The following ANK2 variants were observed in gnomAD, a reference collection of about 807,000 sequenced individuals.
ANK2 encodes the protein ankyrin 2.
ANK2 carries 83 observed loss-of-function variants against 360.5 expected under a neutral mutation model. The ratio of observed to expected loss-of-function variants is 0.23; its 90% CI spans 0.19 to 0.28. ANK2 has a LOEUF of 0.28. Ranked by LOEUF, ANK2 falls within the 10% of genes least tolerant of loss-of-function variation. The pLI, the probability that ANK2 is intolerant of heterozygous loss-of-function variation, is 1.00. For synonymous variants in ANK2, 1,740 were observed against 1,759.5 expected (o/e 0.99, Z 0.28); for missense variants, 4,201 against 4,795.7 (o/e 0.88, Z 3.66).
At chr4:113,046,111 A>G (rs898364708), upstream of ANK2, among the ~76,000 whole-genome samples, 2 of 152,108 alleles carry the variant, frequency 1.3e-5, no homozygotes, top group African/African-American at 4.8e-5. Context: ...AAGGAAATTG[A>G]CGGAAAGCTT....
chr4:112,825,751 A>AT, intron 1 of ANK2, among the ~76,000 whole-genome samples: 1 of 152,314 alleles, frequency 6.6e-6, no homozygotes, highest in African/African-American at 2.4e-5. Flanking sequence ...AAATTTGTAC[A>AT]TTTTTGTGCT....
intron 23 of ANK2, among the ~76,000 whole-genome samples, chr4:113,303,692 C>G (rs1351507468): frequency 6.6e-6 from 1 of 151,988 alleles, no homozygotes; most frequent in African/African-American, 2.4e-5. Context: ...AATTTGCAAG[C>G]ATTTCTTTAT....
intron 2 of ANK2, among the ~76,000 whole-genome samples, chr4:113,014,026 C>A (rs965059145): frequency 7.9e-5 from 12 of 151,962 alleles, no homozygotes; most frequent in Admixed American, 5.9e-4. Context: ...AAAATAACTA[C>A]ATATTTTTAA....
intron 1 of ANK2, among the ~76,000 whole-genome samples, chr4:112,862,144 A>G (rs2068307619): frequency 6.6e-6 from 1 of 152,218 alleles, no homozygotes. Flanking sequence ...AGTATCCAGC[A>G]TGTACTGAGA....
At chr4:113,376,802 GTT>G (rs36011726) in intron 45 of ANK2, among the ~76,000 whole-genome samples, 1,151 of 114,174 alleles carry the variant, frequency 0.01, 15 homozygotes, top group African/African-American at 0.037. Context: ...ACTTTTTAAG[GTT>G]TTTTTTTTTT....
intron 1 of ANK2, among the ~76,000 whole-genome samples, chr4:113,074,828 T>C (rs2079189588): frequency 6.6e-6 from 1 of 152,244 alleles, no homozygotes; most frequent in Admixed American, 6.5e-5. Context: ...TAATTTCAGC[T>C]AGCTATGAAC....
intron 1 of ANK2, among the ~76,000 whole-genome samples, chr4:113,050,790 G>A (rs1231514653): frequency 1.3e-5 from 2 of 152,124 alleles, no homozygotes; most frequent in Admixed American, 6.5e-5. Context: ...AAAATAATAA[G>A]CATGAACAAA....
At chr4:113,154,925 C>A (rs1400010844) in intron 1 of ANK2, among the ~76,000 whole-genome samples, 1 of 152,122 alleles carries the variant, frequency 6.6e-6, no homozygotes, top group Non-Finnish European at 1.5e-5. Flanking sequence ...TGCTTCCTGG[C>A]CCATCTTGGT....
intron 1 of ANK2, among the ~76,000 whole-genome samples, chr4:113,115,954 A>C (rs2094723483): frequency 6.6e-6 from 1 of 152,308 alleles, no homozygotes; most frequent in Middle Eastern, 3.4e-3. Flanking sequence ...AGTCCTCTAT[A>C]TACAATATAG....
chr4:113,288,271 C>G, intron 19 of ANK2, 117 bp from the exon 20 acceptor site: 1 of 876,100 alleles, frequency 1.1e-6, no homozygotes, highest in Admixed American at 2.2e-5. Flanking sequence ...TATCTTTAGT[C>G]AAATGGAATC....
intron 1 of ANK2, among the ~76,000 whole-genome samples, chr4:113,067,792 T>A (rs770002376): frequency 2.0e-5 from 3 of 152,238 alleles, no homozygotes; most frequent in Non-Finnish European, 4.4e-5. Flanking sequence ...AGTATTCTTC[T>A]TAGGTTGCAC....
At position 112,964,404 on chromosome 4, in the gene ANK2, T is replaced by A. The variant is rs1191509014; in HGVS notation, c.21+59890T>A. ...AGTTCCACTGTTTTGATTTTTAACATCCACAAATAAGTGAGCACCTGAAAA... is the reference window on the plus strand; with the variant it reads ...AGTTCCACTGTTTTGATTTTTAACAACCACAAATAAGTGAGCACCTGAAAA... On this transcript the variant is annotated intron_variant, in intron 2 of 30. Transcript: ENST00000503271. 2.0e-5 allele frequency among the ~76,000 whole-genome samples: 3 copies of A among 151,550 alleles called. No individual in the cohort carries two copies. In the East Asian group the frequency reaches 5.8e-4, roughly 30 times the overall value.
At chr4:112,859,637 A>T (rs541467367) in intron 1 of ANK2, among the ~76,000 whole-genome samples, 2 of 152,258 alleles carry the variant, frequency 1.3e-5, no homozygotes, top group African/African-American at 4.8e-5. Context: ...TGCTTCCTGA[A>T]TTCTCTTTAA....
intron 1 of ANK2, among the ~76,000 whole-genome samples, chr4:113,067,822 G>A (rs1259108092): frequency 1.3e-5 from 2 of 152,192 alleles, no homozygotes; most frequent in Non-Finnish European, 2.9e-5. Context: ...GTGGCCCCAA[G>A]CATGAGTCTA....
chr4:112,745,531 C>CT, the ANK2 span, among the ~76,000 whole-genome samples: 75,801 of 123,100 alleles, frequency 0.62, 24,114 homozygotes, highest in East Asian at 0.9. Context: ...AGTACTAGAT[C>CT]TTTTTTTTTT....
intron 2 of ANK2, among the ~76,000 whole-genome samples, chr4:112,924,121 G>T (rs1251533204): frequency 6.6e-6 from 1 of 152,090 alleles, no homozygotes; most frequent in African/African-American, 2.4e-5. Context: ...TGTAATCCCA[G>T]CACTTTGGGA....
At chr4:112,754,314 C>A in the ANK2 span, among the ~76,000 whole-genome samples, 5 of 151,172 alleles carry the variant, frequency 3.3e-5, no homozygotes, top group African/African-American at 1.2e-4. Flanking sequence ...GAAGCCAAAG[C>A]CCCTTTCTGG....
At chr4:113,251,905 G>T (rs917000723) in intron 10 of ANK2, among the ~76,000 whole-genome samples, 3 of 152,108 alleles carry the variant, frequency 2.0e-5, no homozygotes, top group Non-Finnish European at 2.9e-5. Context: ...AATTAATCAG[G>T]TTAGAGTGAG....
chr4:112,880,645 GA>G (rs1284611559), intron 1 of ANK2: 3 of 152,220 alleles, frequency 2.0e-5, no homozygotes, highest in Admixed American at 1.3e-4. Context: ...TGAGGTAGAG[GA>G]AAAACAAAAA....
Sources: allele counts gnomAD v4.1 joint callset (sites outside exome capture counted in the v4.1 genomes callset), GRCh38; gene constraint gnomAD v4.1.1; transcripts MANE v1.5; gene names NCBI Gene and HGNC (gene_info 2026-07-23, HGNC 2026-07-21).